Variants in PBX2 observed in about 807,000 individuals in gnomAD.
PBX2 encodes the protein PBX homeobox 2, also known as pre-B-cell leukemia transcription factor 2.
PBX2 carries 10 observed loss-of-function variants against 46.5 expected under a neutral mutation model. The ratio of observed to expected loss-of-function variants is 0.21; its 90% CI spans 0.13 to 0.36. The LOEUF is 0.36. PBX2 is among the 10% of genes least tolerant of loss of function. The pLI is 1.00. For synonymous variants in PBX2, 160 were observed against 222.5 expected, an observed-to-expected ratio of 0.72 and a Z score of 2.50; for missense variants, 392 against 580.5, an observed-to-expected ratio of 0.68 and a Z score of 3.34.
Position 32,185,630 on chromosome 6 carries a change from CAACAACAACAAA to C in PBX2, c.*740_*751del, listed in dbSNP as rs1787030259. 6.7e-6 allele frequency: 1 copy of C among 148,670 alleles called. No individual in the cohort carries two copies. Among genetic ancestry groups the C allele is most frequent in the African/African-American group, 2.5e-5 (1 of 40,366 alleles). The allele number at this position is 148,670 out of a possible 1,614,324, so 9.2% of individuals were successfully genotyped here. On this transcript the variant is annotated 3_prime_UTR_variant, in exon 9 of 9. Transcript: ENST00000375050. ...TAAGAACCACCACCACCACCACCAC[CAACAACAACAAA>C]AACAACAACAACAACAAAAAAAACA...
rs189647609 is a variant in PBX2, at chr6:32,187,606, T to C, written c.870+41A>G. 597 of 1,568,238 alleles carry C rather than the reference T, an allele frequency of 3.8e-4. 4 individuals carry two copies. The highest frequency in any genetic ancestry group is 1.8e-5 in the Non-Finnish European group (21 of 1,156,044). ...CACCACTGCACCTAGCTGAGATGCG[T>C]GCACTTTGCCTGACAACTCCTCCCG... On this transcript the variant is annotated intron_variant, in intron 5 of 8. Coordinates refer to ENST00000375050, the MANE Select transcript of PBX2 (RefSeq NM_002586.5). The surrounding 1 kb of genome is among the most constrained non-coding windows in gnomAD (Gnocchi z 7.7).
Position 32,187,802 on chromosome 6 carries a change from G to A in PBX2, c.735-20C>T. 1 of 1,611,414 alleles carries A rather than the reference G, an allele frequency of 6.2e-7. No homozygotes were observed. Among genetic ancestry groups the A allele is most frequent in the South Asian group, 1.1e-5 (1 of 90,736 alleles). On this transcript the variant is annotated intron_variant, in intron 4 of 8. Coordinates refer to ENST00000375050, the MANE Select transcript of PBX2 (RefSeq NM_002586.5). This position sits in a 1 kb window ranked among gnomAD's most constrained non-coding sequence, Gnocchi z 7.7. ...TTTCGTCTACAGAGGAGGGAGAAGAGCAGTGAGGAGGATGTTGATGTCCTG... is the reference window on the plus strand; with the variant it reads ...TTTCGTCTACAGAGGAGGGAGAAGAACAGTGAGGAGGATGTTGATGTCCTG...
In PBX2 at chr6:32,189,629, G is replaced by A. The variant is rs1787313541; in HGVS notation, c.221+66C>T. 8.0e-7 allele frequency: 1 copy of A among 1,251,364 alleles called. No homozygotes were observed. Among genetic ancestry groups the A allele is most frequent in the South Asian group, 1.3e-5 (1 of 79,636 alleles). The allele number at this position is 1,251,364 out of a possible 1,614,324, so 77.5% of individuals were successfully genotyped here. On this transcript the variant is annotated intron_variant, in intron 1 of 8. Transcript: ENST00000375050. This position sits in a 1 kb window ranked among gnomAD's most constrained non-coding sequence, Gnocchi z 4.7. ...GCCCTGGAGTTGGGGGGGGCTCCCA[G>A]AAGATTCAGAACATGTGAACGGGGT...
At position 32,186,967 on chromosome 6, in the gene PBX2, C is replaced by A; in HGVS notation, c.1025-66G>T. The A allele has an allele frequency of 1.5e-6, 2 of 1,370,170 alleles. No homozygotes were observed. Among genetic ancestry groups the A allele is most frequent in the East Asian group, 4.6e-5 (2 of 43,666 alleles). The allele number at this position is 1,370,170 out of a possible 1,614,324, so 84.9% of individuals were successfully genotyped here. ...ATGGTAGAGGATGAACCACAACTCT[C>A]AACTCTTGTGGGGACATGCTACTAT... On this transcript the variant is annotated intron_variant, in intron 6 of 8. Coordinates refer to ENST00000375050, the MANE Select transcript of PBX2 (RefSeq NM_002586.5). The surrounding 1 kb of genome is among the most constrained non-coding windows in gnomAD (Gnocchi z 4.2).
Position 32,188,669 on chromosome 6 carries a change from T to A in PBX2, c.295+54A>T, listed in dbSNP as rs1017214305. 1.9e-6 allele frequency: 3 copies of A among 1,594,456 alleles called. No homozygotes were observed. In the African/African-American group the frequency reaches 4.0e-5, roughly 21 times the overall value. On this transcript the variant is annotated intron_variant, in intron 2 of 8. Transcript: ENST00000375050. This position sits in a 1 kb window ranked among gnomAD's most constrained non-coding sequence, Gnocchi z 6.5. Reference sequence around the variant, plus strand: ...CCCAAGTTGTCACACTCTAGCCCTATAATGAACAGGGTTCTGTTCCCAGAG... The same window carrying A: ...CCCAAGTTGTCACACTCTAGCCCTAAAATGAACAGGGTTCTGTTCCCAGAG...
chr6:32,186,919 G>C lies in PBX2; in HGVS notation c.1025-18C>G. 1.2e-6 allele frequency: 2 copies of C among 1,608,496 alleles called. No individual in the cohort carries two copies. Among genetic ancestry groups the C allele is most frequent in the Non-Finnish European group, 1.7e-6 (2 of 1,175,986 alleles). ...GCCAGAGCCTTGTGGGGGCAGAGAG[G>C]GAAGAGTGTAATAGAGCCCGTGATG... is the stretch of plus-strand genomic sequence containing the variant. On this transcript the variant is annotated intron_variant, in intron 6 of 8. Coordinates refer to ENST00000375050, the MANE Select transcript of PBX2 (RefSeq NM_002586.5). The surrounding 1 kb of genome is among the most constrained non-coding windows in gnomAD (Gnocchi z 4.2).
rs758299777 is a variant in PBX2, at chr6:32,188,813, G to A, written c.222-17C>T. Reference sequence around the variant, plus strand: ...GCGTGTTTCCTTGGGAGGAGTGGGAGTGGGGAAAGAGAAAAGTTGAGGAGC... The same window carrying A: ...GCGTGTTTCCTTGGGAGGAGTGGGAATGGGGAAAGAGAAAAGTTGAGGAGC... On this transcript the variant is annotated splice_polypyrimidine_tract_variant and intron_variant, in intron 1 of 8. Coordinates refer to ENST00000375050, the MANE Select transcript of PBX2 (RefSeq NM_002586.5). This position sits in a 1 kb window ranked among gnomAD's most constrained non-coding sequence, Gnocchi z 6.5. 2 of 1,611,544 alleles carry A rather than the reference G, an allele frequency of 1.2e-6. No homozygotes were observed. Among genetic ancestry groups the A allele is most frequent in the South Asian group, 2.2e-5 (2 of 91,034 alleles).
At position 32,186,520 on chromosome 6, in the gene PBX2, C is replaced by T; in HGVS notation, c.1201-46G>A. On this transcript the variant is annotated intron_variant, in intron 8 of 8. Coordinates refer to ENST00000375050, the MANE Select transcript of PBX2 (RefSeq NM_002586.5). This position sits in a 1 kb window ranked among gnomAD's most constrained non-coding sequence, Gnocchi z 4.2. ...CAGAAAACAGAGAAAGCCCTGGGAA[C>T]CCTGTGTGGGCACAACATTACTAGG... 6.3e-7 allele frequency: 1 copy of T among 1,587,712 alleles called. No homozygotes were observed. The highest frequency in any genetic ancestry group is 8.6e-7 in the Non-Finnish European group (1 of 1,156,074).
chr6:32,188,986 A>G lies in PBX2; in HGVS notation c.222-190T>C. 1 of 594,264 alleles carries G rather than the reference A, an allele frequency of 1.7e-6. No homozygotes were observed. The allele number at this position is 594,264 out of a possible 1,614,324, so 36.8% of individuals were successfully genotyped here. The stretch of plus-strand genomic sequence containing the variant: ...CTCCCAGAGCATGGGGAAGCTCCTC[A>G]GCTTCAGGGAGACACAGGGAAGATG... On this transcript the variant is annotated intron_variant, in intron 1 of 8. Transcript: ENST00000375050. The surrounding 1 kb of genome is among the most constrained non-coding windows in gnomAD (Gnocchi z 6.5).
chr6:32,190,194 A>T lies in PBX2; in HGVS notation c.-279T>A. The T allele has an allele frequency of 2.2e-5, 4 of 181,780 alleles. No individual in the cohort carries two copies. The highest frequency in any genetic ancestry group is 2.7e-5 in the African/African-American group (1 of 36,746). The allele number at this position is 181,780 out of a possible 1,614,324, so 11.3% of individuals were successfully genotyped here. A position where few individuals can be genotyped will look rare whatever the true frequency, so the allele number is the denominator to read the frequency against. ...GGGGTGTGTGTGAGAGAGAGGGAGG[A>T]GGGAGGAGGGAGAAGGGGGGGGAGC... On this transcript the variant is annotated 5_prime_UTR_variant, in exon 1 of 9. Transcript: ENST00000375050.
chr6:32,186,918 G>A lies in PBX2; in HGVS notation c.1025-17C>T, dbSNP rs768714863. The A allele has an allele frequency of 3.7e-6, 6 of 1,609,094 alleles. 2 individuals carry two copies. The South Asian group carries it at 5.5e-5, about 15-fold the overall frequency. On this transcript the variant is annotated splice_polypyrimidine_tract_variant and intron_variant, in intron 6 of 8. Coordinates refer to ENST00000375050, the MANE Select transcript of PBX2 (RefSeq NM_002586.5). The surrounding 1 kb of genome is among the most constrained non-coding windows in gnomAD (Gnocchi z 4.2). ...CGCCAGAGCCTTGTGGGGGCAGAGA[G>A]GGAAGAGTGTAATAGAGCCCGTGAT...
chr6:32,187,508 G>A lies in PBX2; in HGVS notation c.871-113C>T. 2 of 1,467,206 alleles carry A rather than the reference G, an allele frequency of 1.4e-6. No individual in the cohort carries two copies. Among genetic ancestry groups the A allele is most frequent in the South Asian group, 1.3e-5 (1 of 78,014 alleles). The allele number at this position is 1,467,206 out of a possible 1,614,324, so 90.9% of individuals were successfully genotyped here. The stretch of plus-strand genomic sequence containing the variant: ...TTTTGCTTCCTGGTCTCACTATGCT[G>A]TTGCCCAGGCTGGTCTCCAATTCAA... On this transcript the variant is annotated intron_variant, in intron 5 of 8. Transcript: ENST00000375050. The surrounding 1 kb of genome is among the most constrained non-coding windows in gnomAD (Gnocchi z 7.7).
chr6:32,188,886 G>T lies in PBX2; in HGVS notation c.222-90C>A. The T allele has an allele frequency of 8.8e-7, 1 of 1,133,976 alleles. No homozygotes were observed. Among genetic ancestry groups the T allele is most frequent in the Non-Finnish European group, 1.3e-6 (1 of 746,208 alleles). 70.2% of individuals were successfully genotyped at this position (1,133,976 alleles called of 1,614,324 possible). ...TGAGAACAAGGAGGGAGGAGGGTCA[G>T]TCTGCGGAGGGAGGAAGCGGATTGG... is the stretch of plus-strand genomic sequence containing the variant. On this transcript the variant is annotated intron_variant, in intron 1 of 8. Coordinates refer to ENST00000375050, the MANE Select transcript of PBX2 (RefSeq NM_002586.5). This position sits in a 1 kb window ranked among gnomAD's most constrained non-coding sequence, Gnocchi z 6.5.
rs867470370 is a variant in PBX2, at chr6:32,185,847, G to C, written c.*535C>G. The C allele has an allele frequency of 6.5e-6, 1 of 154,130 alleles. No homozygotes were observed. Among genetic ancestry groups the C allele is most frequent in the Non-Finnish European group, 1.4e-5 (1 of 69,216 alleles). 9.5% of individuals were successfully genotyped at this position (154,130 alleles called of 1,614,324 possible). On this transcript the variant is annotated 3_prime_UTR_variant, in exon 9 of 9. Coordinates refer to ENST00000375050, the MANE Select transcript of PBX2 (RefSeq NM_002586.5). Reference sequence around the variant, plus strand: ...GAGCTGCGTATGAGGTAAGTAAGCCGTCCGGAGGGGCGGGGGTGGGGATGC... The same window carrying C: ...GAGCTGCGTATGAGGTAAGTAAGCCCTCCGGAGGGGCGGGGGTGGGGATGC...
rs1312989707 is a variant in PBX2 at position 32,187,254 on chromosome 6, G to T, written c.1012C>A (p.Pro338Thr). The T allele has an allele frequency of 2.5e-6, 4 of 1,612,936 alleles. No homozygotes were observed. Among genetic ancestry groups the T allele is most frequent in the South Asian group, 1.1e-5 (1 of 91,070 alleles). The change falls in exon 6 of 9, where the codon CCT becomes ACT. Residue 338 changes from proline to threonine, a missense_variant. Around this residue, in one of 3 missense-constraint regions of PBX2, gnomAD observed 116 missense variants for 157.9 expected, o/e 0.73. Coordinates refer to ENST00000375050, the MANE Select transcript of PBX2 (RefSeq NM_002586.5). This position sits in a 1 kb window ranked among gnomAD's most constrained non-coding sequence, Gnocchi z 7.7. ...GHSRTSSPTP[P>T]SSAGSGGSFN... ...CAGTGGGATCCACCTGCAGAGGAAG[G>T]GGGTGTCGGGGAGCTGGTGCGGCTG...
chr6:32,187,005 C>A lies in PBX2; in HGVS notation c.1025-104G>T. 8.8e-7 allele frequency: 1 copy of A among 1,131,136 alleles called. No homozygotes were observed. Among genetic ancestry groups the A allele is most frequent in the Admixed American group, 2.1e-5 (1 of 47,736 alleles). The allele number at this position is 1,131,136 out of a possible 1,614,324, so 70.1% of individuals were successfully genotyped here. On this transcript the variant is annotated intron_variant, in intron 6 of 8. Coordinates refer to ENST00000375050, the MANE Select transcript of PBX2 (RefSeq NM_002586.5). This position sits in a 1 kb window ranked among gnomAD's most constrained non-coding sequence, Gnocchi z 7.7. ...GACATGCTACTATACTCCAATTATC[C>A]ACAAAATAACATTCCAACACACAGA... is the stretch of plus-strand genomic sequence containing the variant.
In PBX2 at chr6:32,187,900, C is replaced by G; in HGVS notation, c.734+66G>C. 1.3e-6 allele frequency: 2 copies of G among 1,528,568 alleles called. No homozygotes were observed. Among genetic ancestry groups the G allele is most frequent in the Non-Finnish European group, 1.8e-6 (2 of 1,132,702 alleles). The allele number at this position is 1,528,568 out of a possible 1,614,324, so 94.7% of individuals were successfully genotyped here. On this transcript the variant is annotated intron_variant, in intron 4 of 8. Transcript: ENST00000375050. The surrounding 1 kb of genome is among the most constrained non-coding windows in gnomAD (Gnocchi z 7.7). ...TACCATGTTGTGCAGCATGGCAGCT[C>G]AGGGTCTTGGAGAGGAATGGGAAGG...
chr6:32,186,989 C>A lies in PBX2; in HGVS notation c.1025-88G>T. On this transcript the variant is annotated intron_variant, in intron 6 of 8. Coordinates refer to ENST00000375050, the MANE Select transcript of PBX2 (RefSeq NM_002586.5). This position sits in a 1 kb window ranked among gnomAD's most constrained non-coding sequence, Gnocchi z 4.2. ...TCTCAACTCTTGTGGGGACATGCTA[C>A]TATACTCCAATTATCCACAAAATAA... 3.3e-6 allele frequency: 4 copies of A among 1,214,008 alleles called. No homozygotes were observed. Among genetic ancestry groups the A allele is most frequent in the Non-Finnish European group, 4.8e-6 (4 of 830,622 alleles). The allele number at this position is 1,214,008 out of a possible 1,614,324, so 75.2% of individuals were successfully genotyped here.
In PBX2 at chr6:32,188,648, A is replaced by G. The variant is rs1157623676; in HGVS notation, c.295+75T>C. 17 of 1,579,180 alleles carry G rather than the reference A, an allele frequency of 1.1e-5. No individual in the cohort carries two copies. The highest frequency in any genetic ancestry group is 1.3e-5 in the Non-Finnish European group (15 of 1,151,768). On this transcript the variant is annotated intron_variant, in intron 2 of 8. Coordinates refer to ENST00000375050, the MANE Select transcript of PBX2 (RefSeq NM_002586.5). This position sits in a 1 kb window ranked among gnomAD's most constrained non-coding sequence, Gnocchi z 6.5. The stretch of plus-strand genomic sequence containing the variant: ...ACTCCTTACTTTCCTCAGGGCCCCA[A>G]GTTGTCACACTCTAGCCCTATAATG...
Sources: allele counts gnomAD v4.1 joint callset, GRCh38; gene constraint gnomAD v4.1.1; regional missense constraint gnomAD v4.1.1; non-coding constraint Gnocchi (gnomAD v3.1); transcripts MANE v1.5; gene names NCBI Gene and HGNC (gene_info 2026-07-23, HGNC 2026-07-21).